CNTNAP2: variants seen among roughly 807,000 people sequenced by gnomAD.
CNTNAP2 encodes contactin associated protein 2.
CNTNAP2 carries 98 observed loss-of-function variants against 155.2 expected under a neutral mutation model. That is an observed-to-expected ratio of 0.63 (90% CI 0.54 to 0.75). The LOEUF is 0.75. Among genes scored for constraint, CNTNAP2 ranks in the 30% least tolerant of loss-of-function variants. The pLI is 0.00. For synonymous variants in CNTNAP2, 651 were observed against 631.2 expected (o/e 1.03, Z -0.47); for missense variants, 1,727 against 1,688.1 (o/e 1.02, Z -0.40).
At chr7:148,174,425 C>G (rs915320416) in intron 18 of CNTNAP2, among the ~76,000 whole-genome samples, 16 of 151,420 alleles carry the variant, frequency 1.1e-4, no homozygotes, top group African/African-American at 3.4e-4. Flanking sequence ...TGACCGCCCC[C>G]CACCTCAGGC....
chr7:147,796,213 G>C (rs1369764542), intron 13 of CNTNAP2, among the ~76,000 whole-genome samples: 1 of 152,132 alleles, frequency 6.6e-6, no homozygotes. Context: ...AAGGTATTTT[G>C]TTAGCAAATC....
chr7:147,581,104 A>G (rs964567642), intron 12 of CNTNAP2, among the ~76,000 whole-genome samples: 9 of 152,222 alleles, frequency 5.9e-5, no homozygotes, highest in African/African-American at 2.2e-4. Flanking sequence ...CAGCCAAATC[A>G]TAGGTAGATA....
Position 146,773,643 on chromosome 7 carries a change from C to G in CNTNAP2, c.98-628C>G, listed in dbSNP as rs1802336534. On this transcript the variant is annotated intron_variant, in intron 1 of 23. Transcript: ENST00000361727. ...TCCCGACCTCAGGTGATCAACCCGC[C>G]TTGGCCTCCCAAAGTGCTGGGATTA... Among the ~76,000 whole-genome samples, 2 of 152,236 alleles carry G rather than the reference C, an allele frequency of 1.3e-5. 1 individual carries two copies. Among genetic ancestry groups the G allele is most frequent in the South Asian group, 4.1e-4 (2 of 4,834 alleles).
At chr7:147,489,489 C>T (rs979598200) in intron 11 of CNTNAP2, among the ~76,000 whole-genome samples, 12 of 152,152 alleles carry the variant, frequency 7.9e-5, no homozygotes, top group African/African-American at 2.9e-4. Context: ...TCCATAAATC[C>T]TTTAAGATCT....
chr7:147,488,735 G>T (rs547219139), intron 11 of CNTNAP2, among the ~76,000 whole-genome samples: 2 of 152,254 alleles, frequency 1.3e-5, no homozygotes, highest in South Asian at 4.1e-4. Context: ...AGTTCAAGAT[G>T]GAACAGAGAG....
chr7:146,708,351 A>G (rs1450648478), intron 1 of CNTNAP2, among the ~76,000 whole-genome samples: 1 of 152,038 alleles, frequency 6.6e-6, no homozygotes, highest in Non-Finnish European at 1.5e-5. Context: ...ATAATCAATA[A>G]GGTAACCACT....
At chr7:147,744,382 G>C (rs774369815) in intron 13 of CNTNAP2, among the ~76,000 whole-genome samples, 2 of 152,154 alleles carry the variant, frequency 1.3e-5, no homozygotes, top group Non-Finnish European at 2.9e-5. Context: ...TCTGTTGGTT[G>C]ATAAAGACAC....
chr7:147,127,079 A>C (rs73154366), intron 6 of CNTNAP2, among the ~76,000 whole-genome samples: 1 of 152,162 alleles, frequency 6.6e-6, no homozygotes, highest in Admixed American at 6.5e-5. Context: ...GTTGGGGAAA[A>C]ATTGTTCAAA....
chr7:147,095,177 G>A (rs948541907), intron 4 of CNTNAP2, among the ~76,000 whole-genome samples: 60 of 143,054 alleles, frequency 4.2e-4, no homozygotes, highest in Middle Eastern at 3.5e-3. Flanking sequence ...GCACCACCAC[G>A]CCTGGCTAAT....
chr7:146,272,803 T>G (rs1800103120), intron 1 of CNTNAP2, among the ~76,000 whole-genome samples: 1 of 152,078 alleles, frequency 6.6e-6, no homozygotes, highest in Non-Finnish European at 1.5e-5. Flanking sequence ...GGAAATTACT[T>G]ATGAAAGATA....
chr7:146,647,922 T>C (rs983905479), intron 1 of CNTNAP2, among the ~76,000 whole-genome samples: 1 of 152,204 alleles, frequency 6.6e-6, no homozygotes, highest in Non-Finnish European at 1.5e-5. Context: ...GTTCCATGAA[T>C]TTATGGAGAC....
chr7:147,024,286 G>T (rs1278330268), intron 3 of CNTNAP2, among the ~76,000 whole-genome samples: 1 of 152,062 alleles, frequency 6.6e-6, no homozygotes, highest in Non-Finnish European at 1.5e-5. Context: ...TGCAATGGTG[G>T]TTACACGAAT....
chr7:147,665,461 C>G (rs931707888), intron 13 of CNTNAP2, among the ~76,000 whole-genome samples: 23 of 152,130 alleles, frequency 1.5e-4, no homozygotes, highest in African/African-American at 5.6e-4. Flanking sequence ...TCTTTTCCTT[C>G]CTCTTATTTT....
At chr7:146,741,963 T>G (rs1801724901) in intron 1 of CNTNAP2, among the ~76,000 whole-genome samples, 2 of 152,072 alleles carry the variant, frequency 1.3e-5, no homozygotes, top group African/African-American at 4.8e-5. Flanking sequence ...ATTAACTTTG[T>G]TAGATGTGAT....
chr7:146,904,537 T>C lies in CNTNAP2; in HGVS notation c.402+64633T>C, dbSNP rs1796077749. The stretch of plus-strand genomic sequence containing the variant: ...CCCAGGCTGGAGCACAGTGGCGCGA[T>C]CTCGGCTCACTGCAAGCTGCGCCTC... On this transcript the variant is annotated intron_variant, in intron 3 of 23. Coordinates refer to ENST00000361727, the MANE Select transcript of CNTNAP2 (RefSeq NM_014141.6). Among the ~76,000 whole-genome samples, 3 of 152,190 alleles carry C rather than the reference T, an allele frequency of 2.0e-5. No individual in the cohort carries two copies. In the South Asian group the frequency reaches 6.2e-4, roughly 31 times the overall value.
chr7:147,008,251 A>T (rs1328781554), intron 3 of CNTNAP2, among the ~76,000 whole-genome samples: 2 of 152,140 alleles, frequency 1.3e-5, no homozygotes, highest in Admixed American at 1.3e-4. Context: ...AAGGAGGAGC[A>T]GAAAATAATG....
intron 2 of CNTNAP2, among the ~76,000 whole-genome samples, chr7:146,787,791 G>C (rs1380176961): frequency 6.6e-6 from 1 of 152,112 alleles, no homozygotes; most frequent in Non-Finnish European, 1.5e-5. Flanking sequence ...GTGCTGATTG[G>C]TGCATTTACA....
Position 146,292,404 on chromosome 7 carries a change from A to G in CNTNAP2, c.97+175431A>G, listed in dbSNP as rs183955377. Among the ~76,000 whole-genome samples, 59 of 152,316 alleles carry G rather than the reference A, an allele frequency of 3.9e-4. No homozygotes were observed. The East Asian group carries it at 9.8e-3, about 25-fold the overall frequency. On this transcript the variant is annotated intron_variant, in intron 1 of 23. Transcript: ENST00000361727. The stretch of plus-strand genomic sequence containing the variant: ...CTACCATGGCGTATTTACCTATGTA[A>G]CAAAACTGCCCATTAGCACAGAACT...
intron 10 of CNTNAP2, among the ~76,000 whole-genome samples, chr7:147,414,807 G>C (rs1350548214): frequency 6.6e-6 from 1 of 151,788 alleles, no homozygotes; most frequent in Admixed American, 6.6e-5. Flanking sequence ...TGGGCGAGGT[G>C]GTGGGCGCCT....
Sources: gnomAD v4.1 joint callset for allele counts (sites outside exome capture counted in the v4.1 genomes callset) on GRCh38, gnomAD v4.1.1 for gene constraint, MANE v1.5 for transcripts, NCBI Gene and HGNC (gene_info 2026-07-23, HGNC 2026-07-21) for gene names.